The following NUTF2 variants were observed in gnomAD, a reference collection of about 807,000 sequenced individuals.
The protein encoded by NUTF2 is nuclear transport factor 2.
In NUTF2, 3 loss-of-function variants were observed where a neutral mutation model predicts 18.5. The observed-to-expected ratio is 0.16, with a 90% CI of 0.07 to 0.42. The LOEUF is 0.42. NUTF2 is among the 10% of genes least tolerant of loss of function. The pLI is 0.99. For missense variants in NUTF2, 44 were observed against 160.7 expected (o/e 0.27, Z 3.93); for synonymous variants, 51 against 57.9 (o/e 0.88, Z 0.54).
At chr16:67,861,866 C>T (rs1259798753) in intron 1 of NUTF2, among the ~76,000 whole-genome samples, 1 of 152,198 alleles carries the variant, frequency 6.6e-6, no homozygotes, top group Non-Finnish European at 1.5e-5. Flanking sequence ...CTGGACCCCT[C>T]CCTCATGTTG....
intron 1 of NUTF2, among the ~76,000 whole-genome samples, chr16:67,859,898 C>T (rs1200489225): frequency 6.9e-5 from 10 of 144,284 alleles, no homozygotes; most frequent in Admixed American, 3.6e-4. Context: ...CTCCACCTCT[C>T]GGGTTCAAGC....
intron 1 of NUTF2, among the ~76,000 whole-genome samples, chr16:67,862,014 C>A (rs1598165488): frequency 6.6e-6 from 1 of 151,940 alleles, no homozygotes; most frequent in Non-Finnish European, 1.5e-5. Context: ...TCGGTAGGTT[C>A]TGTTGTGTCT....
intron 1 of NUTF2, among the ~76,000 whole-genome samples, chr16:67,857,494 A>C (rs545162139): frequency 6.6e-4 from 101 of 152,020 alleles, no homozygotes; most frequent in African/African-American, 2.1e-3. Context: ...GGCAGTTTCC[A>C]TTCCTGATTC....
intron 4 of NUTF2, 137 bp downstream of exon 4, chr16:67,868,736 A>G (rs2057991962): frequency 4.1e-6 from 3 of 738,650 alleles, no homozygotes; most frequent in South Asian, 3.7e-5. Context: ...GTAGTTCAGT[A>G]TGCTAGCCAT....
At chr16:67,847,502 T>C (rs2057813853) in intron 1 of NUTF2, 1 of 152,322 alleles carries the variant, frequency 6.6e-6, no homozygotes, top group South Asian at 2.1e-4. Flanking sequence ...CCCCTCACCC[T>C]GTTCCCGACC....
rs1392312163 is a variant in NUTF2 at position 67,872,417 on chromosome 16, G to A, written c.*1504G>A. 1.3e-5 allele frequency: 2 copies of A among 152,236 alleles called. No homozygotes were observed. The highest frequency in any genetic ancestry group is 2.9e-5 in the Non-Finnish European group (2 of 68,058). 9.4% of individuals were successfully genotyped at this position (152,236 alleles called of 1,614,324 possible). A position where few individuals can be genotyped will look rare whatever the true frequency, so the allele number is the denominator to read the frequency against. The stretch of plus-strand genomic sequence containing the variant: ...CAGCATGCTCAGGAGATTTCAGTGG[G>A]AATGATCTCTAGGCTGATGTGTATT... On this transcript the variant is annotated 3_prime_UTR_variant, in exon 5 of 5. Transcript: ENST00000219169.
rs1359366231 is a variant in NUTF2, at chr16:67,871,316, A to G, written c.*403A>G. 1 of 158,624 alleles carries G rather than the reference A, an allele frequency of 6.3e-6. No individual in the cohort carries two copies. Among genetic ancestry groups the G allele is most frequent in the Non-Finnish European group, 1.4e-5 (1 of 72,266 alleles). 9.8% of individuals were successfully genotyped at this position (158,624 alleles called of 1,614,324 possible). A position where few individuals can be genotyped will look rare whatever the true frequency, so the allele number is the denominator to read the frequency against. ...ATAAAACCACAAAAATTTTCTTAAC[A>G]GTTTAAATTGTTTTAATTAGTTTAC... On this transcript the variant is annotated 3_prime_UTR_variant, in exon 5 of 5. Coordinates refer to ENST00000219169, the MANE Select transcript of NUTF2 (RefSeq NM_005796.3).
intron 2 of NUTF2, among the ~76,000 whole-genome samples, chr16:67,867,083 T>C (rs2057978616): frequency 6.6e-6 from 1 of 151,782 alleles, no homozygotes; most frequent in East Asian, 2.0e-4. Context: ...GCAATTCTCA[T>C]GCCTCAGCCT....
chr16:67,865,167 A>G lies in NUTF2; in HGVS notation c.37A>G (p.Ser13Gly). Residue 13 changes from serine (S) to glycine (G), a missense_variant, in exon 2 of 5, where the codon AGC becomes GGC. Physicochemically the swap from Ser to Gly is moderately conservative, Grantham distance 56. Transcript: ENST00000219169. ...GCCAATTTGGGAGCAGATTGGATCC[A>G]GCTTCATTCAACATTACTACCAGTT... ...DKPIWEQIGS[S>G]FIQHYYQLFD... 6.2e-7 allele frequency: 1 copy of G among 1,613,064 alleles called. No individual in the cohort carries two copies. The highest frequency in any genetic ancestry group is 8.5e-7 in the Non-Finnish European group (1 of 1,179,824).
At chr16:67,853,310 G>A (rs527748806) in intron 1 of NUTF2, among the ~76,000 whole-genome samples, 2 of 152,234 alleles carry the variant, frequency 1.3e-5, no homozygotes, top group East Asian at 3.9e-4. Flanking sequence ...TCCCACCTCA[G>A]CCTCCTGAGT....
At chr16:67,849,477 G>T (rs1402889993) in intron 1 of NUTF2, among the ~76,000 whole-genome samples, 1 of 151,638 alleles carries the variant, frequency 6.6e-6, no homozygotes, top group Non-Finnish European at 1.5e-5. Flanking sequence ...TGGTAGCTGG[G>T]ACTACAGGCG....
rs8051525 is a variant in NUTF2, at chr16:67,850,138, C to T, written c.-30+3153C>T. 6.2e-3 allele frequency among the ~76,000 whole-genome samples: 935 copies of T among 151,798 alleles called. 13 individuals carry two copies. Among genetic ancestry groups the T allele is most frequent in the African/African-American group, 0.022 (892 of 41,402 alleles). On this transcript the variant is annotated intron_variant, in intron 1 of 4. Transcript: ENST00000219169. ...CAAAAAGATACTTTTCCTTCTCCAA[C>T]GTTACTCAAGAGTAGGAGGAATTCA...
chr16:67,860,317 C>T (rs985479403), intron 1 of NUTF2, among the ~76,000 whole-genome samples: 1 of 151,930 alleles, frequency 6.6e-6, no homozygotes, highest in Non-Finnish European at 1.5e-5. Flanking sequence ...CCCTGTCACT[C>T]AGGGTGGATT....
chr16:67,852,306 A>G (rs2057865754), intron 1 of NUTF2, among the ~76,000 whole-genome samples: 1 of 152,100 alleles, frequency 6.6e-6, no homozygotes, highest in Non-Finnish European at 1.5e-5. Context: ...CTGTCTCCAA[A>G]AAAAAGGCTA....
At chr16:67,866,045 T>C (rs1274739395) in intron 2 of NUTF2, among the ~76,000 whole-genome samples, 2 of 152,116 alleles carry the variant, frequency 1.3e-5, no homozygotes, top group African/African-American at 4.8e-5. Flanking sequence ...GATGTTCATA[T>C]ACACCAAGAA....
At chr16:67,864,973 G>T in intron 1 of NUTF2, 129 bp from the exon 2 acceptor site, 1 of 591,878 alleles carries the variant, frequency 1.7e-6, no homozygotes, top group South Asian at 2.1e-5. Flanking sequence ...CCCAGGGCCT[G>T]TCCGTGTTCT....
intron 1 of NUTF2, 118 bp downstream of exon 1, chr16:67,847,103 G>A (rs1277455293): frequency 2.0e-5 from 3 of 149,640 alleles, no homozygotes; most frequent in African/African-American, 4.9e-5. Flanking sequence ...CCCCCCCGGC[G>A]GCCCGAAGCC....
chr16:67,861,305 A>G (rs2057934288), intron 1 of NUTF2, among the ~76,000 whole-genome samples: 1 of 152,254 alleles, frequency 6.6e-6, no homozygotes, highest in Non-Finnish European at 1.5e-5. Flanking sequence ...CATATGCATT[A>G]GTGAAAATGA....
intron 4 of NUTF2, chr16:67,869,874 C>G (rs1295486297): frequency 6.6e-6 from 1 of 152,228 alleles, no homozygotes; most frequent in East Asian, 1.9e-4. Flanking sequence ...TCGGCCTGGG[C>G]TTGTGTCTTA....
Sources: allele counts gnomAD v4.1 joint callset (sites outside exome capture counted in the v4.1 genomes callset), GRCh38; gene constraint gnomAD v4.1.1; transcripts MANE v1.5; gene names NCBI Gene and HGNC (gene_info 2026-07-23, HGNC 2026-07-21).